Variants in NRXN3 observed in about 807,000 individuals in gnomAD.
NRXN3 encodes neurexin 3, also known as neurexin III.
Under a neutral mutation model 137.6 loss-of-function variants are expected in NRXN3, and 32 were observed. The observed-to-expected ratio is 0.23, with a 90% confidence interval of 0.18 to 0.31. The LOEUF is 0.31. Ranked by LOEUF, NRXN3 falls within the 10% of genes least tolerant of loss-of-function variation. The probability of loss-of-function intolerance (pLI) is 1.00; values close to 1 mark genes in which losing one functional copy is unlikely to be tolerated. For missense variants in NRXN3, 1,574 were observed against 2,062.5 expected (o/e 0.76, Z 4.59); for synonymous variants, 798 against 784.5 (o/e 1.02, Z -0.29).
chr14:79,273,346 T>C (rs1214268727), intron 15 of NRXN3, among the ~76,000 whole-genome samples: 1 of 150,678 alleles, frequency 6.6e-6, no homozygotes, highest in Non-Finnish European at 1.5e-5. Context: ...ATAATAATAA[T>C]AAAATGGGCC....
rs777221918 is a variant in NRXN3, at chr14:79,697,835, G to C, written c.3912G>C (p.Gln1304His). ...GEVPSILGTT[Q>H]TTSMPPEMST... ...TCCCATCAATTTTGGGAACAACACA[G>C]ACGACCTCCATGCCACCAGAAATGT... The change falls in exon 19 of 21, where the codon CAG becomes CAC. Residue 1304 changes from glutamine to histidine, a missense_variant. Around this residue, in one of 5 missense-constraint regions of NRXN3, gnomAD observed 320 missense variants for 387.1 expected, o/e 0.83. Coordinates refer to ENST00000335750, the MANE Select transcript of NRXN3 (RefSeq NM_001330195.2). 21 of 1,613,110 alleles carry C rather than the reference G, an allele frequency of 1.3e-5. No individual in the cohort carries two copies. The highest frequency in any genetic ancestry group is 3.3e-5 in the Admixed American group (2 of 59,882).
intron 4 of NRXN3, among the ~76,000 whole-genome samples, chr14:78,604,471 G>A (rs61411370): frequency 8.9e-4 from 136 of 152,280 alleles, no homozygotes; most frequent in African/African-American, 3.1e-3. Context: ...CTGCAGTTGA[G>A]TACTAACTAC....
At chr14:78,466,144 C>G (rs1282424541) in intron 4 of NRXN3, among the ~76,000 whole-genome samples, 1 of 152,164 alleles carries the variant, frequency 6.6e-6, no homozygotes, top group Non-Finnish European at 1.5e-5. Context: ...CCTTTATACT[C>G]ACTTTCAATG....
At chr14:78,220,714 G>A (rs762246609) in intron 1 of NRXN3, among the ~76,000 whole-genome samples, 31 of 152,100 alleles carry the variant, frequency 2.0e-4, no homozygotes, top group Non-Finnish European at 1.9e-4. Flanking sequence ...ATAGAACAGG[G>A]TCCCAGGGAG....
chr14:78,689,605 A>G (rs1266161642), intron 6 of NRXN3, among the ~76,000 whole-genome samples: 2 of 152,198 alleles, frequency 1.3e-5, no homozygotes, highest in Non-Finnish European at 2.9e-5. Context: ...GCAGAGGTTT[A>G]TTTCTATTTA....
chr14:78,744,438 GCAGTTTTGAGATA>G (rs1160695773), intron 8 of NRXN3: 1 of 152,176 alleles, frequency 6.6e-6, no homozygotes, highest in African/African-American at 2.4e-5. Flanking sequence ...CTGATATCCT[GCAGTTTTGAGATA>G]CAGTTTTGTG....
chr14:78,272,509 G>A (rs904360815), intron 2 of NRXN3, among the ~76,000 whole-genome samples: 4 of 152,214 alleles, frequency 2.6e-5, no homozygotes, highest in African/African-American at 4.8e-5. Context: ...GGATGTGGCT[G>A]CAGAAGGAAC....
At chr14:79,455,043 A>G (rs1380618362) in intron 15 of NRXN3, among the ~76,000 whole-genome samples, 1 of 152,242 alleles carries the variant, frequency 6.6e-6, no homozygotes, top group Non-Finnish European at 1.5e-5. Context: ...TGTTGGATTT[A>G]CAAATGAATT....
At chr14:78,969,055 C>G (rs2099429235) in intron 14 of NRXN3, among the ~76,000 whole-genome samples, 1 of 152,126 alleles carries the variant, frequency 6.6e-6, no homozygotes, top group Admixed American at 6.5e-5. Flanking sequence ...TAAAACTTAC[C>G]TTGAATGTAA....
intron 2 of NRXN3, among the ~76,000 whole-genome samples, chr14:78,275,861 A>G (rs1045240285): frequency 6.6e-5 from 10 of 152,176 alleles, no homozygotes; most frequent in Non-Finnish European, 1.0e-4. Context: ...CTGGATAGAC[A>G]GTCTGGCAGA....
intron 10 of NRXN3, among the ~76,000 whole-genome samples, chr14:78,953,322 GCTT>G (rs919601706): frequency 6.6e-6 from 1 of 152,106 alleles, no homozygotes; most frequent in Non-Finnish European, 1.5e-5. Flanking sequence ...ATTGGTTCTG[GCTT>G]CTTAAAGAAA....
intron 3 of NRXN3, among the ~76,000 whole-genome samples, chr14:78,287,403 A>G (rs943300379): frequency 2.6e-5 from 4 of 152,174 alleles, no homozygotes; most frequent in Admixed American, 2.6e-4. Flanking sequence ...ACTCTTTGAG[A>G]ACAGAGATTT....
intron 10 of NRXN3, among the ~76,000 whole-genome samples, chr14:78,922,772 T>C (rs1161118946): frequency 6.6e-6 from 1 of 152,064 alleles, no homozygotes; most frequent in Non-Finnish European, 1.5e-5. Context: ...ACCTAGGTGA[T>C]GGGTTGATAG....
At chr14:79,006,541 AG>A (rs1292547717) in intron 15 of NRXN3, among the ~76,000 whole-genome samples, 1 of 152,138 alleles carries the variant, frequency 6.6e-6, no homozygotes, top group Non-Finnish European at 1.5e-5. Context: ...TAACTTTATA[AG>A]ATTTGATTAT....
At position 78,310,282 on chromosome 14, in the gene NRXN3, T is replaced by TTC. The variant is rs1555458924; in HGVS notation, c.757+12422_757+12423insTC. ...TGGCTTTTTTTTTTTTTTTTTTTTT[T>TTC]CCAGACAGTGAACATGTAGGTGAAG... On this transcript the variant is annotated intron_variant, in intron 4 of 20. Transcript: ENST00000335750. Among the ~76,000 whole-genome samples, 263 of 123,944 alleles carry TTC rather than the reference T, an allele frequency of 2.1e-3. 11 individuals are homozygous for TTC. Among genetic ancestry groups the TTC allele is most frequent in the African/African-American group, 7.0e-3 (241 of 34,494 alleles). 81.3% of individuals were successfully genotyped at this position (123,944 alleles called of 152,430 possible).
intron 20 of NRXN3, among the ~76,000 whole-genome samples, chr14:79,836,732 C>A (rs2099344800): frequency 6.6e-6 from 1 of 152,154 alleles, no homozygotes; most frequent in Non-Finnish European, 1.5e-5. Flanking sequence ...CAGTAACAGA[C>A]AGCTGTGCCC....
At chr14:79,085,237 T>C (rs1233044366) in intron 15 of NRXN3, among the ~76,000 whole-genome samples, 2 of 152,222 alleles carry the variant, frequency 1.3e-5, no homozygotes, top group African/African-American at 4.8e-5. Flanking sequence ...TTTATATGGC[T>C]AATTGTCATT....
chr14:79,811,773 G>A (rs1440742071), intron 20 of NRXN3, among the ~76,000 whole-genome samples: 3 of 151,084 alleles, frequency 2.0e-5, no homozygotes, highest in Non-Finnish European at 4.4e-5. Flanking sequence ...TAGTAGAGAC[G>A]GGTTTTCACC....
At chr14:78,576,764 T>C (rs991635300) in intron 4 of NRXN3, among the ~76,000 whole-genome samples, 1 of 152,192 alleles carries the variant, frequency 6.6e-6, no homozygotes, top group African/African-American at 2.4e-5. Flanking sequence ...TGCAGGGTTA[T>C]GTGGCAAAGG....
Sources: gnomAD v4.1 joint callset for allele counts (sites outside exome capture counted in the v4.1 genomes callset) on GRCh38, gnomAD v4.1.1 for gene constraint, gnomAD v4.1.1 regional missense constraint, MANE v1.5 for transcripts, NCBI Gene and HGNC (gene_info 2026-07-23, HGNC 2026-07-21) for gene names.